ATRNL1: variants seen among roughly 807,000 people sequenced by gnomAD.
ATRNL1 encodes attractin like 1.
ATRNL1 carries 95 observed loss-of-function variants against 182.7 expected under a neutral mutation model. The observed-to-expected ratio is 0.52, with a 90% CI of 0.44 to 0.62. ATRNL1 has a LOEUF of 0.62. Ranked by LOEUF, ATRNL1 falls within the 20% of genes least tolerant of loss-of-function variation. ATRNL1 has a pLI of 0.00. For synonymous variants in ATRNL1, 576 were observed against 568.3 expected (o/e 1.01, Z -0.19); for missense variants, 1,471 against 1,679.5 (o/e 0.88, Z 2.17).
intron 27 of ATRNL1, chr10:115,820,438 A>G (rs1273094671): frequency 6.6e-6 from 1 of 152,150 alleles, no homozygotes; most frequent in Non-Finnish European, 1.5e-5. Context: ...TCATCAGGAT[A>G]CAGAAAGGAG....
intron 17 of ATRNL1, among the ~76,000 whole-genome samples, chr10:115,308,136 C>G (rs1853828323): frequency 6.6e-6 from 1 of 152,028 alleles, no homozygotes; most frequent in Non-Finnish European, 1.5e-5. Context: ...CAATATTCTC[C>G]AGTATTTTTC....
intron 20 of ATRNL1, among the ~76,000 whole-genome samples, chr10:115,398,610 G>A (rs1564999433): frequency 6.6e-6 from 1 of 152,044 alleles, no homozygotes; most frequent in Non-Finnish European, 1.5e-5. Flanking sequence ...TTTGGGCCGA[G>A]ACTATGGGGT....
At chr10:115,224,620 A>G (rs1369361408) in intron 9 of ATRNL1, among the ~76,000 whole-genome samples, 12 of 152,180 alleles carry the variant, frequency 7.9e-5, no homozygotes, top group Admixed American at 7.9e-4. Flanking sequence ...AAGATTACTT[A>G]AATAATCCAT....
chr10:115,581,040 T>C (rs1855038382), intron 26 of ATRNL1, among the ~76,000 whole-genome samples: 2 of 152,152 alleles, frequency 1.3e-5, no homozygotes, highest in Admixed American at 1.3e-4. Context: ...GGCTGGTTTC[T>C]GGAGATTTAT....
At chr10:115,430,403 A>G (rs1048981070) in intron 21 of ATRNL1, among the ~76,000 whole-genome samples, 9 of 152,054 alleles carry the variant, frequency 5.9e-5, no homozygotes, top group African/African-American at 1.7e-4. Flanking sequence ...TATATTTGCT[A>G]TAGTATTTTA....
intron 5 of ATRNL1, among the ~76,000 whole-genome samples, chr10:115,146,713 G>C (rs906091863): frequency 9.2e-5 from 14 of 151,880 alleles, no homozygotes; most frequent in Non-Finnish European, 1.8e-4. Flanking sequence ...TGAGAACTTA[G>C]GATATTTGTC....
At chr10:115,168,825 T>C (rs1393646733) in intron 7 of ATRNL1, among the ~76,000 whole-genome samples, 1 of 152,040 alleles carries the variant, frequency 6.6e-6, no homozygotes, top group Non-Finnish European at 1.5e-5. Flanking sequence ...TAAAGTCCAA[T>C]TTAACTTTTT....
chr10:115,757,143 A>G (rs1204527118), intron 27 of ATRNL1, among the ~76,000 whole-genome samples: 5 of 152,110 alleles, frequency 3.3e-5, no homozygotes, highest in Non-Finnish European at 4.4e-5. Flanking sequence ...TAATTAGGGC[A>G]TTTAGCCTGT....
chr10:115,702,953 A>T (rs1946782963), intron 26 of ATRNL1, among the ~76,000 whole-genome samples: 1 of 151,938 alleles, frequency 6.6e-6, no homozygotes, highest in Non-Finnish European at 1.5e-5. Context: ...AAAGAAAAAA[A>T]AGCCCAAATA....
At chr10:115,176,556 G>T (rs1358115793) in intron 8 of ATRNL1, among the ~76,000 whole-genome samples, 1 of 152,090 alleles carries the variant, frequency 6.6e-6, no homozygotes, top group South Asian at 2.1e-4. Flanking sequence ...TTTGCTGAGG[G>T]TTTAGATGTA....
At chr10:115,311,961 C>A (rs1175916133) in intron 17 of ATRNL1, among the ~76,000 whole-genome samples, 5 of 151,344 alleles carry the variant, frequency 3.3e-5, no homozygotes, top group African/African-American at 1.2e-4. Context: ...CATTGAATAT[C>A]TTTTTCCACC....
At chr10:115,813,778 A>G (rs1161878544) in intron 27 of ATRNL1, among the ~76,000 whole-genome samples, 1 of 152,232 alleles carries the variant, frequency 6.6e-6, no homozygotes, top group Non-Finnish European at 1.5e-5. Flanking sequence ...AACTACAGTA[A>G]TGGGTATTGA....
chr10:115,576,089 A>C lies in ATRNL1; in HGVS notation c.3795+26553A>C, dbSNP rs563774235. On this transcript the variant is annotated intron_variant, in intron 26 of 28. Transcript: ENST00000355044. ...GCCAGTATCTCTTTTTTTAAGAGTA[A>C]ATATATTCCATGGTATATACACCAC... Among the ~76,000 whole-genome samples, 31 of 152,084 alleles carry C rather than the reference A, an allele frequency of 2.0e-4. 1 individual carries two copies. In the South Asian group the frequency reaches 6.0e-3, roughly 30 times the overall value.
chr10:115,229,045 G>T (rs1393045226), intron 9 of ATRNL1, among the ~76,000 whole-genome samples: 5 of 152,004 alleles, frequency 3.3e-5, no homozygotes, highest in African/African-American at 1.2e-4. Context: ...GAGATTACAG[G>T]CATGAGCCAC....
chr10:115,864,907 A>C (rs1243236849), intron 28 of ATRNL1, among the ~76,000 whole-genome samples: 2 of 151,796 alleles, frequency 1.3e-5, no homozygotes, highest in Admixed American at 6.6e-5. Flanking sequence ...GCGTGAACCC[A>C]GGAGGCGGAG....
At chr10:115,314,469 G>T (rs1327148345) in intron 17 of ATRNL1, among the ~76,000 whole-genome samples, 1 of 152,156 alleles carries the variant, frequency 6.6e-6, no homozygotes, top group African/African-American at 2.4e-5. Flanking sequence ...AATTGAGTCT[G>T]CCAGAAATCT....
intron 26 of ATRNL1, among the ~76,000 whole-genome samples, chr10:115,612,388 AAATAACAGAG>A (rs1555019287): frequency 6.6e-6 from 1 of 152,196 alleles, no homozygotes. Context: ...CTGTCAACCT[AAATAACAGAG>A]AGAGATTATC....
At chr10:115,269,171 TA>T (rs1277273913) in intron 13 of ATRNL1, among the ~76,000 whole-genome samples, 8 of 151,838 alleles carry the variant, frequency 5.3e-5, no homozygotes, top group African/African-American at 1.9e-4. Flanking sequence ...TATTGCAGAA[TA>T]AAAAAACATA....
intron 27 of ATRNL1, among the ~76,000 whole-genome samples, chr10:115,765,113 T>C (rs192636704): frequency 2.6e-3 from 395 of 152,336 alleles, no homozygotes; most frequent in Non-Finnish European, 4.6e-3. Context: ...TTGACAATTA[T>C]GAATTATGCT....
Sources: allele counts gnomAD v4.1 joint callset (sites outside exome capture counted in the v4.1 genomes callset), GRCh38; gene constraint gnomAD v4.1.1; transcripts MANE v1.5; gene names NCBI Gene and HGNC (gene_info 2026-07-23, HGNC 2026-07-21).